TLR5: variants seen among roughly 807,000 people sequenced by gnomAD.
The protein encoded by TLR5 is toll-like receptor 5.
For missense variants in TLR5, 944 were observed against 999.8 expected, an observed-to-expected ratio of 0.94 and a Z score of 0.75; for synonymous variants, 373 against 384.4, an observed-to-expected ratio of 0.97 and a Z score of 0.35.
In TLR5 at chr1:223,111,892, G is replaced by C. The variant is rs1484313325; in HGVS notation, c.1140C>G (p.Phe380Leu). 6.2e-7 allele frequency: 1 copy of C among 1,613,980 alleles called. No homozygotes were observed. The highest frequency in any genetic ancestry group is 1.1e-5 in the South Asian group (1 of 91,064). ...NHIAIIQDQTFKFLEKLQTLD... is the reference protein window; with the variant it reads ...NHIAIIQDQTLKFLEKLQTLD... ...AGGTCTGTAATTTTTCCAGGAATTT[G>C]AATGTTTGGTCTTGAATTATTGCAA... The change falls in exon 6 of 6, where the codon TTC becomes TTG. Residue 380 changes from phenylalanine (F) to leucine (L), a missense_variant. Phe to Leu is a conservative substitution (Grantham distance 22). Transcript: ENST00000642603.
At chr1:223,114,514 A>G (rs1346481718) in intron 5 of TLR5, among the ~76,000 whole-genome samples, 1 of 152,340 alleles carries the variant, frequency 6.6e-6, no homozygotes, top group East Asian at 1.9e-4. Flanking sequence ...GAATCCCATG[A>G]GACACCATCA....
intron 5 of TLR5, among the ~76,000 whole-genome samples, chr1:223,121,341 T>C (rs1421514924): frequency 5.3e-5 from 8 of 152,228 alleles, no homozygotes; most frequent in Non-Finnish European, 1.0e-4. Context: ...ATGAATGTCA[T>C]TTCAAAATAA....
Position 223,112,192 on chromosome 1 carries a change from G to A in TLR5, c.840C>T (p.Asn280=), listed in dbSNP as rs1259130611. 6.2e-7 allele frequency: 1 copy of A among 1,614,202 alleles called. No homozygotes were observed. Among genetic ancestry groups the A allele is most frequent in the Non-Finnish European group, 8.5e-7 (1 of 1,180,040 alleles). ...AACTTCTGGCCAGGCCAGCAAATGT[G>A]TTCTGGTCAGGATCTTTGATGTTAT... ...GFHNIKDPDQ[N]TFAGLARSSV... The change falls in exon 6 of 6, where the codon AAC becomes AAT. Residue 280 remains asparagine, a synonymous_variant. Coordinates refer to ENST00000642603, the MANE Select transcript of TLR5 (RefSeq NM_003268.6).
chr1:223,140,546 C>CAAAA (rs11388643), intron 2 of TLR5, among the ~76,000 whole-genome samples: 15 of 122,614 alleles, frequency 1.2e-4, no homozygotes, highest in African/African-American at 4.2e-4. Flanking sequence ...GACTCTGTCT[C>CAAAA]AAAAAAAAAA....
chr1:223,115,798 T>C (rs1338748580), intron 5 of TLR5, among the ~76,000 whole-genome samples: 2 of 151,986 alleles, frequency 1.3e-5, no homozygotes, highest in African/African-American at 4.8e-5. Context: ...TGTAATGAGA[T>C]TAGAGCAGGT....
intron 1 of TLR5, among the ~76,000 whole-genome samples, chr1:223,142,524 C>T (rs1300373551): frequency 3.3e-5 from 5 of 152,222 alleles, no homozygotes; most frequent in Non-Finnish European, 5.9e-5. Context: ...CAAGCCACAG[C>T]ATGGTCCCAG....
intron 2 of TLR5, among the ~76,000 whole-genome samples, chr1:223,138,282 GGTTTT>G (rs371367612): frequency 1.4e-4 from 21 of 151,860 alleles, no homozygotes; most frequent in South Asian, 2.1e-4. Context: ...TCTCCTTGTG[GGTTTT>G]GTTTTGTTTT....
intron 2 of TLR5, among the ~76,000 whole-genome samples, chr1:223,138,325 T>G (rs934369941): frequency 6.6e-6 from 1 of 152,164 alleles, no homozygotes; most frequent in Non-Finnish European, 1.5e-5. Flanking sequence ...ATTGGGCAGC[T>G]TTGGCCACCT....
At chr1:223,113,106 T>C in intron 5 of TLR5, 71 bp from the exon 6 acceptor site, 1 of 1,449,988 alleles carries the variant, frequency 6.9e-7, no homozygotes, top group Non-Finnish European at 9.6e-7. Context: ...TCTTCAGATC[T>C]TGGGGGTATT....
At chr1:223,113,914 G>A (rs537133794) in intron 5 of TLR5, among the ~76,000 whole-genome samples, 4 of 152,274 alleles carry the variant, frequency 2.6e-5, no homozygotes, top group East Asian at 3.9e-4. Context: ...CAGAAAGCTC[G>A]GCTGATGAGT....
intron 4 of TLR5, among the ~76,000 whole-genome samples, chr1:223,134,227 T>C (rs866152101): frequency 2.6e-4 from 40 of 152,224 alleles, no homozygotes; most frequent in African/African-American, 8.4e-4. Flanking sequence ...CCATGCTTAA[T>C]ACTCCAACAG....
Position 223,143,230 on chromosome 1 carries a change from G to C in TLR5, c.-589C>G, listed in dbSNP as rs979493707. The C allele has an allele frequency of 6.6e-6, 1 of 152,260 alleles. No homozygotes were observed. Among genetic ancestry groups the C allele is most frequent in the Admixed American group, 6.5e-5 (1 of 15,282 alleles). 9.4% of individuals were successfully genotyped at this position (152,260 alleles called of 1,614,324 possible). On this transcript the variant is annotated 5_prime_UTR_variant, in exon 1 of 6. Transcript: ENST00000642603. ...GCCTCCCCGCGCCGCCTGCGCCACG[G>C]TTGGCTCCTCCCGGACGCAAAAGCG...
intron 5 of TLR5, among the ~76,000 whole-genome samples, chr1:223,122,590 T>G (rs985536198): frequency 6.6e-6 from 1 of 152,214 alleles, no homozygotes; most frequent in South Asian, 2.1e-4. Flanking sequence ...TCTTATAGTA[T>G]GAAGTAGATT....
At chr1:223,126,701 T>G (rs1245851419) in intron 5 of TLR5, among the ~76,000 whole-genome samples, 1 of 152,104 alleles carries the variant, frequency 6.6e-6, no homozygotes, top group East Asian at 1.9e-4. Flanking sequence ...CCCCTCCAAC[T>G]CAGAAACCAA....
chr1:223,133,650 T>C (rs1657481515), intron 4 of TLR5, among the ~76,000 whole-genome samples: 1 of 152,196 alleles, frequency 6.6e-6, no homozygotes, highest in African/African-American at 2.4e-5. Context: ...TACTAATACA[T>C]TCACTTCCCC....
Position 223,112,121 on chromosome 1 carries a change from T to C in TLR5, c.911A>G (p.Asn304Ser). 1 of 1,614,088 alleles carries C rather than the reference T, an allele frequency of 6.2e-7. No individual in the cohort carries two copies. The highest frequency in any genetic ancestry group is 8.5e-7 in the Non-Finnish European group (1 of 1,180,020). The part of the protein sequence containing the change: ...DLSHGFVFSL[N>S]SRVFETLKDL... ...CTTGAGTGTCTCAAAGACTCGTGAG[T>C]TCAGGGAGAAGACAAACCCATGTGA... Residue 304 changes from asparagine (N) to serine (S), a missense_variant, in exon 6 of 6, where the codon AAC becomes AGC. Transcript: ENST00000642603.
Position 223,111,186 on chromosome 1 carries a change from A to G in TLR5, c.1846T>C (p.Phe616Leu), listed in dbSNP as rs5744174. 0.41 allele frequency: 656,045 copies of G among 1,613,888 alleles called. 138,857 individuals carry two copies. The highest frequency in any genetic ancestry group is 0.43 in the South Asian group (39,500 of 91,062). ...AGAGAGAAGAGGGAAACCCCAGAGA[A>G]CGAGTCAGGGTACACACAATATATG... ...ADIYCVYPDSFSGVSLFSLST... is the reference protein window; with the variant it reads ...ADIYCVYPDSLSGVSLFSLST... The change falls in exon 6 of 6, where the codon TTC becomes CTC. Residue 616 changes from phenylalanine to leucine, a missense_variant. Physicochemically the swap from Phe to Leu is conservative, Grantham distance 22. Transcript: ENST00000642603.
In TLR5 at chr1:223,112,713, T is replaced by A; in HGVS notation, c.319A>T (p.Ile107Leu). The change falls in exon 6 of 6, where the codon ATA (isoleucine) becomes TTA (leucine). Residue 107 changes from isoleucine to leucine, a missense_variant. Coordinates refer to ENST00000642603, the MANE Select transcript of TLR5 (RefSeq NM_003268.6). ...LRILDLGSSK[I>L]YFLHPDAFQG... ...AAAGCATCTGGATGCAAGAAGTATATCTTACTACTTCCCAGGTCCAAGATT... is the reference window on the plus strand; with the variant it reads ...AAAGCATCTGGATGCAAGAAGTATAACTTACTACTTCCCAGGTCCAAGATT... The A allele has an allele frequency of 1.9e-6, 3 of 1,614,190 alleles. No homozygotes were observed. The highest frequency in any genetic ancestry group is 1.7e-6 in the Non-Finnish European group (2 of 1,180,016).
rs190259436 is a variant in TLR5 at position 223,111,072 on chromosome 1, G to A, written c.1960C>T (p.Leu654Phe). The change falls in exon 6 of 6, where the codon CTC (leucine) becomes TTC (phenylalanine). Residue 654 changes from leucine (L) to phenylalanine (F), a missense_variant. Physicochemically the swap from Leu to Phe is conservative, Grantham distance 22. Transcript: ENST00000642603. ...IVCTVTLTLFLMTILTVTKFR... is the reference protein window; with the variant it reads ...IVCTVTLTLFFMTILTVTKFR... ...TTTGTGACTGTGAGGATGGTCATGAGGAACAGAGTCAGAGTGACAGTGCAT... is the reference window on the plus strand; with the variant it reads ...TTTGTGACTGTGAGGATGGTCATGAAGAACAGAGTCAGAGTGACAGTGCAT... The A allele has an allele frequency of 1.9e-5, 30 of 1,614,194 alleles. No homozygotes were observed. In the African/African-American group the frequency reaches 3.7e-4, roughly 20 times the overall value.
Sources: allele counts gnomAD v4.1 joint callset (sites outside exome capture counted in the v4.1 genomes callset), GRCh38; gene constraint gnomAD v4.1.1; transcripts MANE v1.5; gene names NCBI Gene and HGNC (gene_info 2026-07-23, HGNC 2026-07-21).